Variants in DTNBP1 observed in about 807,000 individuals in gnomAD.
The protein encoded by DTNBP1 is dysbindin.
Under a neutral mutation model 42.8 loss-of-function variants are expected in DTNBP1, and 35 were observed. The ratio of observed to expected loss-of-function variants is 0.82; its 90% CI spans 0.63 to 1.09. The LOEUF (loss-of-function observed/expected upper bound fraction) is 1.09, where lower values mean the gene tolerates loss of function less well. Ranked by LOEUF, DTNBP1 falls within the 50% of genes least tolerant of loss-of-function variation. The probability of loss-of-function intolerance (pLI) is 0.00; values close to 1 mark genes in which losing one functional copy is unlikely to be tolerated. For synonymous variants in DTNBP1, 171 were observed against 162.2 expected (o/e 1.05, Z -0.41); for missense variants, 457 against 424.2 (o/e 1.08, Z -0.68).
At chr6:15,586,023 G>A in intron 7 of DTNBP1, 2 of 1,225,202 alleles carry the variant, frequency 1.6e-6, no homozygotes, top group South Asian at 6.8e-5. Context: ...AAAGATGTAT[G>A]CACCGGTCTG....
rs997397317 is a variant in DTNBP1, at chr6:15,545,365, T to G, written c.512-11970A>C. On this transcript the variant is annotated intron_variant, in intron 7 of 9. Transcript: ENST00000344537. ...TATTTCTGTGAGTATTCTAAAGTAT[T>G]ATAGAACATTATTCCTCAGAATTGG... 6.6e-5 allele frequency among the ~76,000 whole-genome samples: 10 copies of G among 152,206 alleles called. 1 individual carries two copies. Among genetic ancestry groups the G allele is most frequent in the African/African-American group, 1.9e-4 (8 of 41,454 alleles).
chr6:15,641,021 G>T (rs1353427027), intron 3 of DTNBP1, among the ~76,000 whole-genome samples: 2 of 152,194 alleles, frequency 1.3e-5, no homozygotes, highest in Admixed American at 1.3e-4. Flanking sequence ...CTTCTAATCA[G>T]GGAGATGCAG....
intron 1 of DTNBP1, among the ~76,000 whole-genome samples, chr6:15,654,444 T>C (rs1023198852): frequency 1.3e-5 from 2 of 152,214 alleles, no homozygotes; most frequent in Admixed American, 6.5e-5. Flanking sequence ...AGGAGAATTC[T>C]ATACAGCTGA....
intron 6 of DTNBP1, among the ~76,000 whole-genome samples, chr6:15,596,451 T>C (rs1383309894): frequency 4.6e-5 from 7 of 152,304 alleles, no homozygotes; most frequent in African/African-American, 1.4e-4. Flanking sequence ...ACAATCATCA[T>C]GTTGCCAAAT....
At chr6:15,596,596 C>T (rs1776524972) in intron 6 of DTNBP1, among the ~76,000 whole-genome samples, 1 of 152,222 alleles carries the variant, frequency 6.6e-6, no homozygotes, top group Admixed American at 6.5e-5. Context: ...CCCTTCCAGA[C>T]CACCAGATGC....
chr6:15,620,869 C>T lies in DTNBP1; in HGVS notation c.356-5470G>A, dbSNP rs78283044. Among the ~76,000 whole-genome samples the T allele has an allele frequency of 4.3e-3, 661 of 152,204 alleles. 6 individuals carry two copies. The highest frequency in any genetic ancestry group is 0.015 in the African/African-American group (613 of 41,532). ...TGATACCTCGTCTGTGAAGAGAGAG[C>T]TAACAACACATATCTTGCAAAGCTG... On this transcript the variant is annotated intron_variant, in intron 5 of 9. Transcript: ENST00000344537.
intron 6 of DTNBP1, among the ~76,000 whole-genome samples, chr6:15,607,748 T>C (rs937146320): frequency 3.3e-5 from 5 of 152,120 alleles, no homozygotes; most frequent in African/African-American, 9.7e-5. Flanking sequence ...TAGTATTCCA[T>C]GCAGAAGAAT....
chr6:15,526,261 G>C (rs1207771358), intron 8 of DTNBP1, among the ~76,000 whole-genome samples: 3 of 152,196 alleles, frequency 2.0e-5, no homozygotes, highest in Non-Finnish European at 4.4e-5. Flanking sequence ...TAAGCAAAGA[G>C]ACGTGTGAGT....
chr6:15,593,561 A>G (rs911610205), intron 6 of DTNBP1, among the ~76,000 whole-genome samples: 3 of 152,228 alleles, frequency 2.0e-5, no homozygotes, highest in African/African-American at 7.2e-5. Context: ...GGGAAAGTGC[A>G]TATCAAAGGA....
At chr6:15,642,980 G>T (rs2113783197) in intron 3 of DTNBP1, among the ~76,000 whole-genome samples, 1 of 152,234 alleles carries the variant, frequency 6.6e-6, no homozygotes, top group East Asian at 1.9e-4. Flanking sequence ...AAATGTATAG[G>T]ATGACCAATA....
At chr6:15,571,620 T>C (rs1775342920) in intron 7 of DTNBP1, among the ~76,000 whole-genome samples, 1 of 152,202 alleles carries the variant, frequency 6.6e-6, no homozygotes, top group East Asian at 1.9e-4. Context: ...TCCAATGCAT[T>C]ACCTCTAGGC....
rs2056943 is a variant in DTNBP1, at chr6:15,524,332, T to C, written c.811+194A>G. 0.038 allele frequency: 60,503 copies of C among 1,611,786 alleles called. 1,222 individuals carry two copies. The highest frequency in any genetic ancestry group is 0.044 in the Non-Finnish European group (51,369 of 1,179,728). On this transcript the variant is annotated intron_variant, in intron 9 of 9. Transcript: ENST00000344537. ...GAGCATGTCAAATCTTTGAGAAGAATTCATGACGGAACCACACCACTGTTG... is the reference window on the plus strand; with the variant it reads ...GAGCATGTCAAATCTTTGAGAAGAACTCATGACGGAACCACACCACTGTTG...
intron 3 of DTNBP1, among the ~76,000 whole-genome samples, chr6:15,639,270 C>T (rs1760203056): frequency 6.6e-6 from 1 of 152,106 alleles, no homozygotes; most frequent in African/African-American, 2.4e-5. Flanking sequence ...ATTGCTTGTT[C>T]TATTTTTGCA....
chr6:15,635,683 A>G lies in DTNBP1; in HGVS notation c.222+2061T>C, dbSNP rs558437833. ...ACCTGGTTCAACCTAAAGACCTTTT[A>G]TAAGTATTCTCTGCCTATCAATTCT... On this transcript the variant is annotated intron_variant, in intron 4 of 9. Coordinates refer to ENST00000344537, the MANE Select transcript of DTNBP1 (RefSeq NM_032122.5). Among the ~76,000 whole-genome samples the G allele has an allele frequency of 7.6e-4, 115 of 152,306 alleles. 1 individual carries two copies. Among genetic ancestry groups the G allele is most frequent in the Admixed American group, 2.0e-3 (30 of 15,302 alleles).
chr6:15,618,452 C>T (rs1758841530), intron 5 of DTNBP1, among the ~76,000 whole-genome samples: 2 of 151,322 alleles, frequency 1.3e-5, no homozygotes, highest in Admixed American at 1.3e-4. Context: ...GTATTGGGTA[C>T]ACTACAAGCC....
chr6:15,538,488 T>G (rs1773373226), intron 7 of DTNBP1, among the ~76,000 whole-genome samples: 1 of 152,218 alleles, frequency 6.6e-6, no homozygotes, highest in South Asian at 2.1e-4. Flanking sequence ...CTCAGCCTCA[T>G]GGAATACTGG....
chr6:15,589,310 C>T (rs1020637443), intron 7 of DTNBP1, among the ~76,000 whole-genome samples: 1 of 152,214 alleles, frequency 6.6e-6, no homozygotes, highest in African/African-American at 2.4e-5. Context: ...GAATTGCTCC[C>T]CTTCTAAGAT....
chr6:15,557,302 G>T (rs1007909809), intron 7 of DTNBP1, among the ~76,000 whole-genome samples: 7 of 147,080 alleles, frequency 4.8e-5, no homozygotes, highest in Non-Finnish European at 1.0e-4. Context: ...TTTTAAGTTA[G>T]ATATGATAAA....
intron 7 of DTNBP1, among the ~76,000 whole-genome samples, chr6:15,575,694 A>G (rs1775531864): frequency 6.6e-6 from 1 of 152,256 alleles, no homozygotes; most frequent in Non-Finnish European, 1.5e-5. Flanking sequence ...AGATACACTC[A>G]GCAAATTATA....
Sources: gnomAD v4.1 joint callset for allele counts (sites outside exome capture counted in the v4.1 genomes callset) on GRCh38, gnomAD v4.1.1 for gene constraint, MANE v1.5 for transcripts, NCBI Gene and HGNC (gene_info 2026-07-23, HGNC 2026-07-21) for gene names.